The following DNAH7 variants were observed in gnomAD, a reference collection of about 807,000 sequenced individuals.
DNAH7 encodes dynein axonemal heavy chain 7, also known as axonemal beta dynein heavy chain 7.
Under a neutral mutation model 444.6 loss-of-function variants are expected in DNAH7, and 397 were observed. That is an observed-to-expected ratio of 0.89 (90% CI 0.82 to 0.97). DNAH7 has a LOEUF of 0.97. DNAH7 is among the 50% of genes least tolerant of loss of function. The probability of loss-of-function intolerance (pLI) is 0.00; values close to 1 mark genes in which losing one functional copy is unlikely to be tolerated. For missense variants in DNAH7, 4,902 were observed against 4,800.8 expected (o/e 1.02, Z -0.62); for synonymous variants, 1,636 against 1,624.4 (o/e 1.01, Z -0.17).
At chr2:196,038,529 T>C (rs1487392451) in intron 5 of DNAH7, among the ~76,000 whole-genome samples, 1 of 152,068 alleles carries the variant, frequency 6.6e-6, no homozygotes, top group Non-Finnish European at 1.5e-5. Flanking sequence ...TTCCCCTAAT[T>C]AAAAGATACA....
rs563390477 is a variant in DNAH7 at position 196,014,920 on chromosome 2, T to C, written c.870-2014A>G. On this transcript the variant is annotated intron_variant, in intron 9 of 64. Transcript: ENST00000312428. The stretch of plus-strand genomic sequence containing the variant: ...ATCGAGATTTTTCTCACTCATATTT[T>C]ATAACTACATAATATTCCATTGTGC... Among the ~76,000 whole-genome samples, 86 of 152,322 alleles carry C rather than the reference T, an allele frequency of 5.6e-4. 1 individual carries two copies. Among genetic ancestry groups the C allele is most frequent in the South Asian group, 3.3e-3 (16 of 4,826 alleles).
chr2:195,783,332 A>T (rs78148844), intron 58 of DNAH7, among the ~76,000 whole-genome samples: 16,250 of 152,212 alleles, frequency 0.11, 1,257 homozygotes, highest in East Asian at 0.34. Flanking sequence ...GCTTAAAATG[A>T]TAGAAATTTA....
intron 58 of DNAH7, among the ~76,000 whole-genome samples, chr2:195,780,699 C>T (rs918372095): frequency 1.2e-4 from 18 of 151,822 alleles, no homozygotes; most frequent in African/African-American, 3.6e-4. Context: ...TGCAGTGAGC[C>T]GAGATCGTGC....
chr2:195,915,261 G>A (rs1447267204), intron 24 of DNAH7, among the ~76,000 whole-genome samples: 1 of 152,174 alleles, frequency 6.6e-6, no homozygotes, highest in Non-Finnish European at 1.5e-5. Flanking sequence ...TCAGAGAAAG[G>A]CTACCTGTAA....
Position 196,012,798 on chromosome 2 carries a change from A to G in DNAH7, c.978T>C (p.Thr326=). ...IMRHMDSAKE[T]LLKMWFPEVQ... ...TTTCAAACCTTTACATTTTAAGTAG[A>G]GTCTCTTTGGCAGAGTCCATGTGTC... is the stretch of plus-strand genomic sequence containing the variant. Residue 326 remains threonine (T), a synonymous_variant, in exon 10 of 65, where the codon ACT becomes ACC. Transcript: ENST00000312428. The G allele has an allele frequency of 6.3e-7, 1 of 1,599,416 alleles. No individual in the cohort carries two copies. The highest frequency in any genetic ancestry group is 8.5e-7 in the Non-Finnish European group (1 of 1,173,600).
chr2:195,976,470 C>T (rs1389158124), intron 15 of DNAH7, among the ~76,000 whole-genome samples: 4 of 152,034 alleles, frequency 2.6e-5, no homozygotes, highest in Admixed American at 2.6e-4. Context: ...CAGGCAGCAT[C>T]TCAGGGACAC....
intron 49 of DNAH7, among the ~76,000 whole-genome samples, chr2:195,818,774 A>G (rs773104775): frequency 1.3e-5 from 2 of 152,126 alleles, no homozygotes; most frequent in East Asian, 1.9e-4. Flanking sequence ...CCGTAAGTCA[A>G]TAAACACTGT....
intron 20 of DNAH7, 29 bp from the exon 21 acceptor site, chr2:195,934,818 T>C: frequency 6.2e-7 from 1 of 1,609,620 alleles, no homozygotes; most frequent in Non-Finnish European, 8.5e-7. Context: ...TTAAGATAAT[T>C]AACCAAGTTA....
rs751344175 is a variant in DNAH7, at chr2:195,923,667, T to C, written c.3753A>G (p.Ser1251=). The change falls in exon 23 of 65, where the codon TCA becomes TCG. Residue 1251 remains serine (S), a synonymous_variant. Coordinates refer to ENST00000312428, the MANE Select transcript of DNAH7 (RefSeq NM_018897.3). The part of the protein sequence containing the change: ...VLDVHARDVL[S]SLVKKNISDD... ...CGCTAATATTTTTTTTTACAAGTGA[T>C]GAGAGGACATCTCTAGCATGGACAT... is the stretch of plus-strand genomic sequence containing the variant. 13 of 1,614,044 alleles carry C rather than the reference T, an allele frequency of 8.1e-6. No homozygotes were observed. In the African/African-American group the frequency reaches 1.5e-4, roughly 18 times the overall value.
chr2:196,067,354 A>G (rs1698482757), intron 1 of DNAH7, among the ~76,000 whole-genome samples: 1 of 152,234 alleles, frequency 6.6e-6, no homozygotes, highest in Non-Finnish European at 1.5e-5. Context: ...TAATGGTGAC[A>G]GTAACAAATG....
chr2:195,891,807 T>C lies in DNAH7; in HGVS notation c.4897-3A>G. On this transcript the variant is annotated splice_region_variant and splice_polypyrimidine_tract_variant and intron_variant, in intron 30 of 64. Coordinates refer to ENST00000312428, the MANE Select transcript of DNAH7 (RefSeq NM_018897.3). The stretch of plus-strand genomic sequence containing the variant: ...ACTTTGTTTTCTTCCATTAGCCCCT[T>C]AATGAAAAAAAAAAACATTTATTTA... The C allele has an allele frequency of 6.9e-7, 1 of 1,449,634 alleles. No individual in the cohort carries two copies. The highest frequency in any genetic ancestry group is 1.3e-5 in the South Asian group (1 of 77,688). The allele number at this position is 1,449,634 out of a possible 1,614,324, so 89.8% of individuals were successfully genotyped here.
chr2:195,844,605 A>C (rs1698875306), intron 47 of DNAH7, among the ~76,000 whole-genome samples: 3 of 152,216 alleles, frequency 2.0e-5, no homozygotes, highest in Non-Finnish European at 2.9e-5. Context: ...ACAGTCCCAC[A>C]CTAGGGACTA....
intron 30 of DNAH7, among the ~76,000 whole-genome samples, chr2:195,892,261 G>A (rs904558024): frequency 3.9e-5 from 6 of 151,914 alleles, no homozygotes; most frequent in African/African-American, 7.3e-5. Flanking sequence ...TTGGCATTAC[G>A]AAAAAAGGCT....
intron 8 of DNAH7, among the ~76,000 whole-genome samples, 181 bp from the exon 9 acceptor site, chr2:196,019,476 ATTTCATTATAAAAAT>A (rs1695240236): frequency 6.6e-6 from 1 of 152,136 alleles, no homozygotes; most frequent in Non-Finnish European, 1.5e-5. Context: ...GTTTAGTATA[ATTTCATTATAAAAAT>A]GACTCTGAAA....
chr2:195,806,106 TA>T (rs1345230508), intron 54 of DNAH7, among the ~76,000 whole-genome samples: 2 of 76,524 alleles, frequency 2.6e-5, no homozygotes, highest in African/African-American at 4.9e-5. Flanking sequence ...AGCTAATGTC[TA>T]TTTTTTTTTT....
At chr2:196,029,861 AT>A (rs145685407) in intron 5 of DNAH7, among the ~76,000 whole-genome samples, 1 of 151,678 alleles carries the variant, frequency 6.6e-6, no homozygotes, top group Non-Finnish European at 1.5e-5. Flanking sequence ...AACTATATTT[AT>A]TTTTTTTTCT....
intron 19 of DNAH7, among the ~76,000 whole-genome samples, chr2:195,949,849 A>G (rs113260461): frequency 0.082 from 12,499 of 152,224 alleles, 860 homozygotes; most frequent in African/African-American, 0.19. Context: ...TTCTGCATCT[A>G]TTGAGATAAT....
At chr2:195,990,638 G>A (rs577253829) in intron 12 of DNAH7, among the ~76,000 whole-genome samples, 16 of 151,694 alleles carry the variant, frequency 1.1e-4, no homozygotes, top group Admixed American at 5.3e-4. Context: ...CAACCTAGGC[G>A]ACAGAGTAAG....
At chr2:195,907,635 T>C (rs900814728) in intron 25 of DNAH7, among the ~76,000 whole-genome samples, 1 of 152,178 alleles carries the variant, frequency 6.6e-6, no homozygotes, top group African/African-American at 2.4e-5. Context: ...CACACATGCA[T>C]ATGTTATATC....
Sources: allele counts gnomAD v4.1 joint callset (sites outside exome capture counted in the v4.1 genomes callset), GRCh38; gene constraint gnomAD v4.1.1; transcripts MANE v1.5; gene names NCBI Gene and HGNC (gene_info 2026-07-23, HGNC 2026-07-21).